ANK2: variants seen among roughly 807,000 people sequenced by gnomAD.
The protein encoded by ANK2 is ankyrin 2.
In ANK2, 83 loss-of-function variants were observed where a neutral mutation model predicts 360.5. That is an observed-to-expected ratio of 0.23 (90% CI 0.19 to 0.28). ANK2 has a LOEUF of 0.28. Among genes scored for constraint, ANK2 ranks in the 10% least tolerant of loss-of-function variants. The probability of loss-of-function intolerance (pLI) is 1.00; values close to 1 mark genes in which losing one functional copy is unlikely to be tolerated. For missense variants in ANK2, 4,201 were observed against 4,795.7 expected (o/e 0.88, Z 3.66); for synonymous variants, 1,740 against 1,759.5 (o/e 0.99, Z 0.28).
the ANK2 span, among the ~76,000 whole-genome samples, chr4:112,739,300 C>A: frequency 6.6e-6 from 1 of 152,104 alleles, no homozygotes; most frequent in Admixed American, 6.6e-5. Flanking sequence ...CTGCGCCCGG[C>A]TGGAATGAAT....
At chr4:112,788,423 A>T in the ANK2 span, 1 of 1,597,854 alleles carries the variant, frequency 6.3e-7, no homozygotes, top group South Asian at 1.1e-5. Context: ...AATCACCACC[A>T]GCTGAGCTTT....
intron 24 of ANK2, among the ~76,000 whole-genome samples, chr4:113,317,127 A>G (rs2083341540): frequency 2.6e-5 from 4 of 152,288 alleles, no homozygotes; most frequent in Middle Eastern, 6.8e-3. Context: ...CTTCCGCAGG[A>G]AGCATGCATC....
chr4:112,878,155 C>CATCTATCTGTCTATCT (rs2075667361), intron 1 of ANK2, among the ~76,000 whole-genome samples: 1 of 147,532 alleles, frequency 6.8e-6, no homozygotes, highest in Non-Finnish European at 1.5e-5. Flanking sequence ...ACTTTAGACT[C>CATCTATCTGTCTATCT]ATCTATCTAT....
intron 1 of ANK2, among the ~76,000 whole-genome samples, chr4:113,122,486 G>C (rs1562226881): frequency 6.6e-6 from 1 of 152,116 alleles, no homozygotes; most frequent in Non-Finnish European, 1.5e-5. Flanking sequence ...TGAGTCAACA[G>C]TTTTTAAAAC....
At chr4:113,194,084 A>G (rs1470758074) in intron 2 of ANK2, among the ~76,000 whole-genome samples, 1 of 152,166 alleles carries the variant, frequency 6.6e-6, no homozygotes, top group Non-Finnish European at 1.5e-5. Flanking sequence ...TCGGGACAAA[A>G]ATTACATAAT....
At position 113,376,374 on chromosome 4, in the gene ANK2, AC is replaced by A. The variant is rs567105297; in HGVS notation, c.11859+2926del. Among the ~76,000 whole-genome samples the A allele has an allele frequency of 2.4e-4, 36 of 152,340 alleles. No homozygotes were observed. The South Asian group carries it at 7.0e-3, about 30-fold the overall frequency. On this transcript the variant is annotated intron_variant, in intron 45 of 45. Coordinates refer to ENST00000357077, the MANE Select transcript of ANK2 (RefSeq NM_001148.6). ...AAAATAGAAAAGGTACAGTAGATAAACAAAATAAAAGATTAAAAATGTTCTA... is the reference window on the plus strand; with the variant it reads ...AAAATAGAAAAGGTACAGTAGATAAAAAAATAAAAGATTAAAAATGTTCTA...
At chr4:113,189,811 T>C (rs1043657819) in intron 2 of ANK2, among the ~76,000 whole-genome samples, 26 of 152,268 alleles carry the variant, frequency 1.7e-4, no homozygotes, top group Middle Eastern at 3.4e-3. Flanking sequence ...TGTTTCATGG[T>C]ACATACTCCT....
At chr4:113,337,395 C>T (rs1264174356) in intron 31 of ANK2, among the ~76,000 whole-genome samples, 1 of 152,186 alleles carries the variant, frequency 6.6e-6, no homozygotes, top group African/African-American at 2.4e-5. Flanking sequence ...TCCAAAGACA[C>T]TCCCAGAACG....
At chr4:113,258,251 T>C in intron 12 of ANK2, 62 bp from the exon 13 acceptor site, 1 of 1,588,572 alleles carries the variant, frequency 6.3e-7, no homozygotes, top group African/African-American at 1.3e-5. Flanking sequence ...TTTATTTATC[T>C]GAAGAAGCCC....
intron 1 of ANK2, among the ~76,000 whole-genome samples, chr4:113,163,130 A>C (rs2097596125): frequency 6.6e-6 from 1 of 152,156 alleles, no homozygotes; most frequent in Non-Finnish European, 1.5e-5. Context: ...TAGTCTCTTA[A>C]AAAATTTTAT....
chr4:113,312,504 A>G (rs1053883888), intron 24 of ANK2, among the ~76,000 whole-genome samples: 11 of 151,534 alleles, frequency 7.3e-5, no homozygotes, highest in East Asian at 5.8e-4. Flanking sequence ...CCCTTCCACT[A>G]TCTTTTTTTT....
intron 1 of ANK2, among the ~76,000 whole-genome samples, chr4:112,901,171 G>C (rs1228679914): frequency 3.3e-5 from 5 of 152,042 alleles, no homozygotes; most frequent in African/African-American, 4.8e-5. Context: ...CTTTTTGTAG[G>C]GAGTCATTTT....
intron 5 of ANK2, 126 bp from the exon 6 acceptor site, chr4:113,236,860 TC>T: frequency 2.1e-6 from 2 of 960,710 alleles, no homozygotes; most frequent in Non-Finnish European, 3.3e-6. Flanking sequence ...CTTCTAATCT[TC>T]CCAGTAATAT....
the ANK2 span, among the ~76,000 whole-genome samples, chr4:112,773,350 CAAG>C: frequency 5.3e-5 from 8 of 152,102 alleles, no homozygotes; most frequent in Non-Finnish European, 1.0e-4. Context: ...AAAATATAAA[CAAG>C]AACACAAAAT....
chr4:112,824,527 C>T (rs539753293), intron 1 of ANK2, among the ~76,000 whole-genome samples: 6 of 140,372 alleles, frequency 4.3e-5, no homozygotes, highest in East Asian at 2.1e-4. Flanking sequence ...TTTTTTTAGA[C>T]GGAGTCTTGC....
intron 1 of ANK2, among the ~76,000 whole-genome samples, chr4:113,166,181 C>T (rs567377717): frequency 8.5e-5 from 13 of 152,110 alleles, no homozygotes; most frequent in African/African-American, 3.1e-4. Context: ...TAATAAACAC[C>T]TAAGAAAGTT....
intron 1 of ANK2, among the ~76,000 whole-genome samples, chr4:112,863,608 C>A (rs1440121950): frequency 3.3e-5 from 5 of 150,204 alleles, no homozygotes; most frequent in Admixed American, 6.6e-5. Flanking sequence ...CTGCAAGCTC[C>A]GCCTCCCGGG....
chr4:112,998,663 T>G (rs1256058686), intron 2 of ANK2, among the ~76,000 whole-genome samples: 2 of 152,208 alleles, frequency 1.3e-5, no homozygotes, highest in Non-Finnish European at 2.9e-5. Context: ...AGTGTCATGG[T>G]TAAATAAATT....
At chr4:112,728,483 G>A in the ANK2 span, among the ~76,000 whole-genome samples, 4 of 152,052 alleles carry the variant, frequency 2.6e-5, no homozygotes, top group East Asian at 7.8e-4. Context: ...TGGCACAGTG[G>A]CTCACCCTTG....
Sources: allele counts gnomAD v4.1 joint callset (sites outside exome capture counted in the v4.1 genomes callset), GRCh38; gene constraint gnomAD v4.1.1; transcripts MANE v1.5; gene names NCBI Gene and HGNC (gene_info 2026-07-23, HGNC 2026-07-21).